Variants in IPO9 observed in about 807,000 individuals in gnomAD.
IPO9 encodes the protein importin-9.
Under a neutral mutation model 128.6 loss-of-function variants are expected in IPO9, and 28 were observed. The observed-to-expected ratio is 0.22, with a 90% CI of 0.16 to 0.30. The LOEUF (loss-of-function observed/expected upper bound fraction) is 0.30, where lower values mean the gene tolerates loss of function less well. Among genes scored for constraint, IPO9 ranks in the 10% least tolerant of loss-of-function variants. IPO9 has a pLI of 1.00. For missense variants in IPO9, 935 were observed against 1,293.9 expected, an observed-to-expected ratio of 0.72 and a Z score of 4.26; for synonymous variants, 455 against 475.8, an observed-to-expected ratio of 0.96 and a Z score of 0.57.
chr1:201,857,322 ATGCAAGAGAG>A, intron 11 of IPO9, 128 bp downstream of exon 11: 1 of 642,004 alleles, frequency 1.6e-6, no homozygotes, highest in African/African-American at 1.8e-5. Context: ...TTTATTGGGG[ATGCAAGAGAG>A]TTTCTGAAAT....
At chr1:201,858,379 G>A in intron 11 of IPO9, 68 bp from the exon 12 acceptor site, 1 of 801,744 alleles carries the variant, frequency 1.2e-6, no homozygotes. Flanking sequence ...AGTCATGACT[G>A]AAGCGGTTTA....
At chr1:201,873,061 C>A in intron 20 of IPO9, 100 bp downstream of exon 20, 1 of 1,282,918 alleles carries the variant, frequency 7.8e-7, no homozygotes, top group Non-Finnish European at 1.0e-6. Flanking sequence ...ATTTTTAAAA[C>A]AATTGTTGGT....
intron 1 of IPO9, among the ~76,000 whole-genome samples, chr1:201,841,594 ATAT>A (rs1328455496): frequency 1.3e-5 from 2 of 152,236 alleles, no homozygotes; most frequent in African/African-American, 4.8e-5. Context: ...TGGTTTCTAA[ATAT>A]AATTCTCCAC....
rs908856236 is a variant in IPO9 at position 201,847,232 on chromosome 1, A to G, written c.164-47A>G. 1.4e-5 allele frequency: 20 copies of G among 1,411,706 alleles called. No individual in the cohort carries two copies. In the African/African-American group the frequency reaches 1.4e-4, roughly 10 times the overall value. The allele number at this position is 1,411,706 out of a possible 1,614,324, so 87.4% of individuals were successfully genotyped here. On this transcript the variant is annotated intron_variant, in intron 1 of 23. Transcript: ENST00000361565. ...CAGGGTTAGAGCTTAGTAAATTTCT[A>G]TGGCTTTCCTAGGTACTCTTAGACT...
In IPO9 at chr1:201,870,579, C is replaced by G. The variant is rs747432920; in HGVS notation, c.2134-4C>G. ...AATCTTGCTTGCCACCCCTGTCTCC[C>G]CAGAATGGCGGAGAGTGCTTGCGGG... is the stretch of plus-strand genomic sequence containing the variant. On this transcript the variant is annotated splice_region_variant and splice_polypyrimidine_tract_variant and intron_variant, in intron 17 of 23. Transcript: ENST00000361565. This position sits in a 1 kb window ranked among gnomAD's most constrained non-coding sequence, Gnocchi z 4.9. 3.1e-6 allele frequency: 5 copies of G among 1,610,128 alleles called. No homozygotes were observed. The highest frequency in any genetic ancestry group is 4.2e-6 in the Non-Finnish European group (5 of 1,176,944).
chr1:201,874,116 A>C, intron 20 of IPO9, 134 bp from the exon 21 acceptor site: 1 of 848,624 alleles, frequency 1.2e-6, no homozygotes, highest in Non-Finnish European at 1.9e-6. Context: ...CTCTTTGGAG[A>C]CTGGATATAG....
intron 4 of IPO9, among the ~76,000 whole-genome samples, chr1:201,849,755 T>C (rs1015516040): frequency 1.3e-5 from 2 of 152,236 alleles, no homozygotes; most frequent in African/African-American, 4.8e-5. Context: ...ATATTCGTAT[T>C]GATTGCCTGT....
At chr1:201,868,078 T>C (rs1318205778) in intron 15 of IPO9, among the ~76,000 whole-genome samples, 1 of 152,170 alleles carries the variant, frequency 6.6e-6, no homozygotes, top group East Asian at 1.9e-4. Context: ...CCATACTAAA[T>C]AGAGGAGGAT....
rs575572720 is a variant in IPO9 at position 201,876,641 on chromosome 1, T to A, written c.*587T>A. On this transcript the variant is annotated 3_prime_UTR_variant, in exon 24 of 24. Coordinates refer to ENST00000361565, the MANE Select transcript of IPO9 (RefSeq NM_018085.5). ...ACTAAGGCTCCTCTGTCAGAGGAGG[T>A]CGTCTTGTTTTTGCTTCATTGCATG... 1 of 160,440 alleles carries A rather than the reference T, an allele frequency of 6.2e-6. No homozygotes were observed. The highest frequency in any genetic ancestry group is 1.8e-4 in the South Asian group (1 of 5,640). 9.9% of individuals were successfully genotyped at this position (160,440 alleles called of 1,614,324 possible).
Position 201,855,947 on chromosome 1 carries a change from TGA to T in IPO9, c.1122+18_1122+19del, listed in dbSNP as rs1369926901. ...CACTGAGGAGCAGGTAAATAATATT[TGA>T]GAGACAGTTACCATCTTGTATTTGG... On this transcript the variant is annotated intron_variant, in intron 10 of 23. Coordinates refer to ENST00000361565, the MANE Select transcript of IPO9 (RefSeq NM_018085.5). 1 of 1,562,180 alleles carries T rather than the reference TGA, an allele frequency of 6.4e-7. No individual in the cohort carries two copies. The highest frequency in any genetic ancestry group is 1.4e-5 in the African/African-American group (1 of 71,996).
chr1:201,856,148 TC>T (rs58473985), intron 10 of IPO9, among the ~76,000 whole-genome samples: 1,794 of 148,836 alleles, frequency 0.012, 39 homozygotes, highest in African/African-American at 0.039. Flanking sequence ...TTTTTTTTTT[TC>T]CCAGCAAAGT....
chr1:201,859,931 C>T (rs1007446934), intron 13 of IPO9, among the ~76,000 whole-genome samples: 10 of 151,920 alleles, frequency 6.6e-5, no homozygotes, highest in African/African-American at 2.2e-4. Flanking sequence ...TGTATTCCAC[C>T]TTGGGTGACA....
At chr1:201,872,983 C>T (rs1021147327) in intron 20 of IPO9, 22 bp downstream of exon 20, 5 of 1,602,470 alleles carry the variant, frequency 3.1e-6, no homozygotes, top group Non-Finnish European at 4.3e-6. Flanking sequence ...TGCGATTCTT[C>T]CAATCCTCTC....
intron 1 of IPO9, among the ~76,000 whole-genome samples, chr1:201,844,897 A>G (rs1187435130): frequency 1.3e-5 from 2 of 152,236 alleles, no homozygotes; most frequent in Admixed American, 1.3e-4. Flanking sequence ...AAATAATAGC[A>G]AAATAACTTA....
chr1:201,829,376 A>G lies in IPO9; in HGVS notation c.163+4A>G. 6.4e-7 allele frequency: 1 copy of G among 1,563,662 alleles called. No individual in the cohort carries two copies. Among genetic ancestry groups the G allele is most frequent in the Non-Finnish European group, 8.6e-7 (1 of 1,156,184 alleles). ...AAGGTGCTGGAGGTGACGGAGGGTGAGTGAGGCGGGACCGTCACGAGGATG... is the reference window on the plus strand; with the variant it reads ...AAGGTGCTGGAGGTGACGGAGGGTGGGTGAGGCGGGACCGTCACGAGGATG... On this transcript the variant is annotated splice_donor_region_variant and intron_variant, in intron 1 of 23. Transcript: ENST00000361565.
chr1:201,863,585 T>A lies in IPO9; in HGVS notation c.1606T>A (p.Ser536Thr). The A allele has an allele frequency of 6.3e-7, 1 of 1,592,610 alleles. No individual in the cohort carries two copies. Among genetic ancestry groups the A allele is most frequent in the Non-Finnish European group, 8.6e-7 (1 of 1,162,772 alleles). ...HETQPPSVRISAVRAIWGYCD... is the reference protein window; with the variant it reads ...HETQPPSVRITAVRAIWGYCD... ...GACACAGCCCCCATCAGTTCGAATT[T>A]CTGCAGTGAGAGCCATCTGGGGGTG... The change falls in exon 14 of 24, where the codon TCT (serine) becomes ACT (threonine). Residue 536 changes from serine (S) to threonine (T), a missense_variant. Physicochemically the swap from Ser to Thr is moderately conservative, Grantham distance 58. This residue lies in a region of IPO9 where 741 missense variants were observed against 1,019.1 expected (regional missense o/e 0.73). Transcript: ENST00000361565.
Position 201,871,429 on chromosome 1 carries a change from C to T in IPO9, c.2576+102C>T. The stretch of plus-strand genomic sequence containing the variant: ...TTTGAGACAGTCTCGCTCTGTCGCC[C>T]AGGCTGGAGTGCAGTGGCACAATCT... On this transcript the variant is annotated intron_variant, in intron 19 of 23. Coordinates refer to ENST00000361565, the MANE Select transcript of IPO9 (RefSeq NM_018085.5). The T allele has an allele frequency of 4.3e-6, 4 of 938,908 alleles. No individual in the cohort carries two copies. The South Asian group carries it at 5.7e-5, about 13-fold the overall frequency. 58.2% of individuals were successfully genotyped at this position (938,908 alleles called of 1,614,324 possible).
intron 1 of IPO9, among the ~76,000 whole-genome samples, chr1:201,831,667 G>A (rs1211707743): frequency 6.6e-6 from 1 of 152,076 alleles, no homozygotes; most frequent in Non-Finnish European, 1.5e-5. Context: ...TTCTGAACAT[G>A]GTGCAATATA....
chr1:201,847,477 C>A, intron 2 of IPO9, 75 bp from the exon 3 acceptor site: 1 of 1,376,432 alleles, frequency 7.3e-7, no homozygotes, highest in Non-Finnish European at 1.0e-6. Context: ...TCAGATGTAT[C>A]AGGCTATGTA....
Sources: allele counts gnomAD v4.1 joint callset (sites outside exome capture counted in the v4.1 genomes callset), GRCh38; gene constraint gnomAD v4.1.1; regional missense constraint gnomAD v4.1.1; non-coding constraint Gnocchi (gnomAD v3.1); transcripts MANE v1.5; gene names NCBI Gene and HGNC (gene_info 2026-07-23, HGNC 2026-07-21).